Variants in SLC45A4 observed in about 807,000 individuals in gnomAD.
SLC45A4 encodes polyamine-transporter SLC45A4.
A neutral mutation model predicts 63.7 loss-of-function variants in SLC45A4; 32 were observed. That is an observed-to-expected ratio of 0.50 (90% confidence interval 0.38 to 0.67). The LOEUF (loss-of-function observed/expected upper bound fraction) is 0.67, where lower values mean the gene tolerates loss of function less well. Among genes scored for constraint, SLC45A4 ranks in the 30% least tolerant of loss-of-function variants. The pLI is 0.00. For synonymous variants in SLC45A4, 535 were observed against 510.0 expected (o/e 1.05, Z -0.66); for missense variants, 1,027 against 1,157.7 (o/e 0.89, Z 1.64).
intron 7 of SLC45A4, 150 bp from the exon 8 acceptor site, chr8:141,212,706 A>G (rs1219651038): frequency 4.3e-6 from 4 of 929,994 alleles, no homozygotes; most frequent in East Asian, 5.3e-5. Flanking sequence ...AGCACCCTCA[A>G]TCCCCCAGCT....
At chr8:141,248,510 C>A (rs1266298514) in intron 2 of SLC45A4, among the ~76,000 whole-genome samples, 1 of 152,038 alleles carries the variant, frequency 6.6e-6, no homozygotes, top group African/African-American at 2.4e-5. Context: ...GTTGAGGCTG[C>A]AGAGAGCTGT....
In SLC45A4 at chr8:141,275,823, T is replaced by C. The variant is rs150766166; in HGVS notation, c.-400-21194A>G. On this transcript the variant is annotated intron_variant, in intron 1 of 8. Transcript: ENST00000517878. ...AGGTTAAAACTACATTATGATCACA[T>C]TGAGTTCTTTAGAAAGGTACGGATG... Among the ~76,000 whole-genome samples, 36 of 152,264 alleles carry C rather than the reference T, an allele frequency of 2.4e-4. No homozygotes were observed. In the East Asian group the frequency reaches 6.7e-3, roughly 29 times the overall value.
rs766491460 is a variant in SLC45A4 at position 141,212,258 on chromosome 8, G to A, written c.2240C>T (p.Pro747Leu). 1 of 1,587,522 alleles carries A rather than the reference G, an allele frequency of 6.3e-7. No homozygotes were observed. The highest frequency in any genetic ancestry group is 1.3e-5 in the African/African-American group (1 of 74,298). ...EGRAGGNSEK[P>L]TVLKLTRKEG... ...CTTCCGCGTGAGCTTCAGCACGGTG[G>A]GCTTTTCGCTGTTCCCACCGGCCCT... Residue 747 changes from proline (P) to leucine (L), a missense_variant, in exon 8 of 9, where the codon CCC (proline) becomes CTC (leucine). Physicochemically the swap from Pro to Leu is moderately conservative, Grantham distance 98. Transcript: ENST00000517878.
chr8:141,291,393 A>AT (rs199752234), intron 1 of SLC45A4, among the ~76,000 whole-genome samples: 30 of 151,958 alleles, frequency 2.0e-4, no homozygotes, highest in African/African-American at 6.5e-4. Context: ...TCTTCTCATA[A>AT]TTTTTTTTTA....
intron 1 of SLC45A4, among the ~76,000 whole-genome samples, chr8:141,289,071 A>G (rs988140150): frequency 3.9e-5 from 6 of 152,198 alleles, no homozygotes; most frequent in African/African-American, 1.4e-4. Flanking sequence ...GCAGGGCCTC[A>G]GCCGGCCATG....
intron 1 of SLC45A4, among the ~76,000 whole-genome samples, chr8:141,255,870 T>TA (rs1391731429): frequency 2.6e-5 from 4 of 152,178 alleles, no homozygotes. Context: ...TATTGGCCTT[T>TA]AGGTTATAAA....
At chr8:141,269,155 C>T (rs998704466) in intron 1 of SLC45A4, among the ~76,000 whole-genome samples, 3 of 152,260 alleles carry the variant, frequency 2.0e-5, no homozygotes, top group South Asian at 4.1e-4. Context: ...CTCCAGGCTG[C>T]GCTGTCACCC....
At position 141,211,557 on chromosome 8, in the gene SLC45A4, A is replaced by T; in HGVS notation, c.*15T>A. On this transcript the variant is annotated 3_prime_UTR_variant, in exon 9 of 9. Coordinates refer to ENST00000517878, the MANE Select transcript of SLC45A4 (RefSeq NM_001286646.2). ...TGTGTCCAACTCGCTGAGGAAAAGA[A>T]GATACGTCATTCTTCTAAGAGAACC... 6.2e-7 allele frequency: 1 copy of T among 1,613,436 alleles called. No individual in the cohort carries two copies. Among genetic ancestry groups the T allele is most frequent in the Non-Finnish European group, 8.5e-7 (1 of 1,179,982 alleles).
intron 2 of SLC45A4, among the ~76,000 whole-genome samples, chr8:141,248,632 A>G (rs1246881996): frequency 6.6e-6 from 1 of 152,160 alleles, no homozygotes; most frequent in African/African-American, 2.4e-5. Context: ...TTGGGAGACC[A>G]AGGTAAGAGG....
chr8:141,306,016 C>G (rs1326497595), intron 1 of SLC45A4, among the ~76,000 whole-genome samples: 2 of 151,922 alleles, frequency 1.3e-5, no homozygotes, highest in Non-Finnish European at 2.9e-5. Context: ...CTCCGCCCCT[C>G]CCCCACCCCC....
Position 141,218,071 on chromosome 8 carries a change from G to A in SLC45A4, c.1569C>T (p.Ile523=), listed in dbSNP as rs778314782. The part of the protein sequence containing the change: ...LCHLLTWFSV[I]AEAVFYTDFM... The stretch of plus-strand genomic sequence containing the variant: ...AGTCGGTGTAGAACACGGCCTCGGC[G>A]ATGACAGAGAACCAGGTGAGGAGGT... The change falls in exon 5 of 9, where the codon ATC becomes ATT. Residue 523 remains isoleucine, a synonymous_variant. Coordinates refer to ENST00000517878, the MANE Select transcript of SLC45A4 (RefSeq NM_001286646.2). 5.0e-6 allele frequency: 8 copies of A among 1,611,668 alleles called. 1 individual carries two copies. Among genetic ancestry groups the A allele is most frequent in the South Asian group, 2.2e-5 (2 of 90,948 alleles).
In SLC45A4 at chr8:141,211,678, A is replaced by C. The variant is rs771665268; in HGVS notation, c.2321T>G (p.Val774Gly). The C allele has an allele frequency of 1.3e-6, 2 of 1,597,918 alleles. No individual in the cohort carries two copies. Among genetic ancestry groups the C allele is most frequent in the Admixed American group, 1.7e-5 (1 of 58,118 alleles). Reference protein sequence around the residue: ...TESVTPAGIDVCQISSHWLVP... With the variant: ...TESVTPAGIDGCQISSHWLVP... The stretch of plus-strand genomic sequence containing the variant: ...CAGCCAATGTGACGAGATCTGACAG[A>C]CGTCAATACCTGCAGGCGTCTACAG... The change falls in exon 9 of 9, where the codon GTC becomes GGC. Residue 774 changes from valine (V) to glycine (G), a missense_variant. By Grantham distance (109) the Val-to-Gly change is moderately radical. Transcript: ENST00000517878.
chr8:141,293,008 G>C (rs1347246807), intron 1 of SLC45A4: 2 of 152,258 alleles, frequency 1.3e-5, no homozygotes, highest in African/African-American at 4.8e-5. Flanking sequence ...TCAGTCATCG[G>C]AAATGGGGAT....
At position 141,231,392 on chromosome 8, in the gene SLC45A4, C is replaced by T. The variant is rs556304581; in HGVS notation, c.242-9627G>A. On this transcript the variant is annotated intron_variant, in intron 2 of 8. Transcript: ENST00000517878. The stretch of plus-strand genomic sequence containing the variant: ...AGGACCATGAGGAGGCCGGTTTGGT[C>T]CAACCTAGTACTCCCTGGACCAGAT... Among the ~76,000 whole-genome samples the T allele has an allele frequency of 5.3e-5, 8 of 152,334 alleles. No homozygotes were observed. In the East Asian group the frequency reaches 1.4e-3, roughly 26 times the overall value.
At chr8:141,243,085 A>G (rs1348632526) in intron 2 of SLC45A4, among the ~76,000 whole-genome samples, 4 of 152,178 alleles carry the variant, frequency 2.6e-5, no homozygotes, top group Admixed American at 2.6e-4. Context: ...GGGTCCCTCC[A>G]CACACTGTCA....
intron 2 of SLC45A4, among the ~76,000 whole-genome samples, chr8:141,241,575 A>G (rs1169433617): frequency 1.4e-5 from 1 of 73,076 alleles, no homozygotes; most frequent in African/African-American, 3.4e-5. Context: ...GTCAAAGAAA[A>G]AAAAAAGAAA....
intron 1 of SLC45A4, among the ~76,000 whole-genome samples, chr8:141,290,809 G>A (rs559394890): frequency 6.6e-6 from 1 of 152,346 alleles, no homozygotes; most frequent in East Asian, 1.9e-4. Flanking sequence ...GGGGCCTGGG[G>A]AGGATCTTTC....
In SLC45A4 at chr8:141,215,122, T is replaced by C. The variant is rs1175904359; in HGVS notation, c.1941+637A>G. On this transcript the variant is annotated intron_variant, in intron 7 of 8. Coordinates refer to ENST00000517878, the MANE Select transcript of SLC45A4 (RefSeq NM_001286646.2). This position sits in a 1 kb window ranked among gnomAD's most constrained non-coding sequence, Gnocchi z 4.3. ...GTGAATCCTAGAGGATGAAGCCAGATGTTTCAGCTGCATAAAGTCCAGAAA... is the reference window on the plus strand; with the variant it reads ...GTGAATCCTAGAGGATGAAGCCAGACGTTTCAGCTGCATAAAGTCCAGAAA... Among the ~76,000 whole-genome samples the C allele has an allele frequency of 6.6e-6, 1 of 152,186 alleles. No individual in the cohort carries two copies. Among genetic ancestry groups the C allele is most frequent in the Non-Finnish European group, 1.5e-5 (1 of 68,026 alleles).
chr8:141,307,337 CT>C (rs1398439658), intron 1 of SLC45A4, among the ~76,000 whole-genome samples: 2 of 152,178 alleles, frequency 1.3e-5, no homozygotes, highest in African/African-American at 4.8e-5. Flanking sequence ...GCCCTGGCCT[CT>C]TTCCTCCAGG....
Sources: allele counts gnomAD v4.1 joint callset (sites outside exome capture counted in the v4.1 genomes callset), GRCh38; gene constraint gnomAD v4.1.1; non-coding constraint Gnocchi (gnomAD v3.1); transcripts MANE v1.5; gene names NCBI Gene and HGNC (gene_info 2026-07-23, HGNC 2026-07-21).